Variants in DGKB observed in about 807,000 individuals in gnomAD.
DGKB encodes the protein diacylglycerol kinase beta, also known as 90 kDa diacylglycerol kinase.
In DGKB, 67 loss-of-function variants were observed where a neutral mutation model predicts 114.3. That is an observed-to-expected ratio of 0.59 (90% CI 0.48 to 0.72). The LOEUF (loss-of-function observed/expected upper bound fraction) is 0.72. DGKB is among the 30% of genes least tolerant of loss of function. The probability of loss-of-function intolerance (pLI) is 0.00; values close to 1 mark genes in which losing one functional copy is unlikely to be tolerated. For missense variants in DGKB, 907 were observed against 975.2 expected (o/e 0.93, Z 0.93); for synonymous variants, 398 against 323.1 (o/e 1.23, Z -2.49).
intron 6 of DGKB, among the ~76,000 whole-genome samples, 191 bp from the exon 7 acceptor site, chr7:14,701,921 G>A (rs565773814): frequency 1.3e-5 from 2 of 152,180 alleles, no homozygotes; most frequent in African/African-American, 2.4e-5. Flanking sequence ...AGAAATACTG[G>A]ATAGCATAAA....
Position 14,478,189 on chromosome 7 carries a change from C to G in DGKB, c.1807G>C (p.Glu603Gln). ...SIAHRFHIMR[E>Q]KHPEKFNSRM... ...CTGTTGAATTTCTCTGGGTGTTTTTCTCTCATGATGTGGAATCTGTGTGCA... is the reference window on the plus strand; with the variant it reads ...CTGTTGAATTTCTCTGGGTGTTTTTGTCTCATGATGTGGAATCTGTGTGCA... The change falls in exon 21 of 26, where the codon GAA becomes CAA. Residue 603 changes from glutamate (E) to glutamine (Q), a missense_variant. By Grantham distance (29) the Glu-to-Gln change is conservative. This residue lies in a region of DGKB where 814 missense variants were observed against 856.6 expected (regional missense o/e 0.95). Coordinates refer to ENST00000402815, the MANE Select transcript of DGKB (RefSeq NM_001350709.2). 6.2e-7 allele frequency: 1 copy of G among 1,602,764 alleles called. No individual in the cohort carries two copies. Among genetic ancestry groups the G allele is most frequent in the Non-Finnish European group, 8.5e-7 (1 of 1,173,344 alleles).
At chr7:14,700,517 G>A (rs1274727249) in intron 7 of DGKB, among the ~76,000 whole-genome samples, 3 of 152,232 alleles carry the variant, frequency 2.0e-5, no homozygotes, top group African/African-American at 2.4e-5. Context: ...CACCCAGCCA[G>A]CATTTGAAAA....
rs56755783 is a variant in DGKB at position 14,666,755 on chromosome 7, A to G, written c.1134+6174T>C. ...ATGGCAGTAAATGAACTATAGCTAT[A>G]ATTGTTACCAGAACATTTTTTTTCT... is the stretch of plus-strand genomic sequence containing the variant. On this transcript the variant is annotated intron_variant, in intron 13 of 25. Coordinates refer to ENST00000402815, the MANE Select transcript of DGKB (RefSeq NM_001350709.2). Among the ~76,000 whole-genome samples the G allele has an allele frequency of 1.5e-3, 233 of 152,036 alleles. 1 individual carries two copies. The highest frequency in any genetic ancestry group is 5.3e-3 in the African/African-American group (220 of 41,522).
intron 12 of DGKB, among the ~76,000 whole-genome samples, chr7:14,673,761 G>A (rs1819393776): frequency 1.3e-5 from 2 of 151,976 alleles, no homozygotes; most frequent in African/African-American, 4.8e-5. Flanking sequence ...AACTGAGATG[G>A]TAGTTTTTTA....
chr7:14,843,527 G>T (rs1373079675), intron 1 of DGKB, among the ~76,000 whole-genome samples: 3 of 150,672 alleles, frequency 2.0e-5, no homozygotes, highest in African/African-American at 2.4e-5. Flanking sequence ...GTAGAGACGG[G>T]GTTTCACCTT....
chr7:14,261,412 A>T (rs1363428301), intron 23 of DGKB, among the ~76,000 whole-genome samples: 1 of 152,166 alleles, frequency 6.6e-6, no homozygotes, highest in Admixed American at 6.6e-5. Flanking sequence ...CATTCCAAGC[A>T]AATACAATAT....
At chr7:14,788,838 C>A (rs1052844323) in intron 2 of DGKB, among the ~76,000 whole-genome samples, 1 of 152,112 alleles carries the variant, frequency 6.6e-6, no homozygotes, top group Non-Finnish European at 1.5e-5. Context: ...CAGTCAGTTC[C>A]TAATCTGTTG....
At chr7:14,958,473 A>ACG (rs1341215476) in intron 1 of DGKB, among the ~76,000 whole-genome samples, 1 of 147,404 alleles carries the variant, frequency 6.8e-6, no homozygotes, top group Non-Finnish European at 1.5e-5. Context: ...ACACACACAC[A>ACG]CACCCCGTCC....
chr7:14,204,518 A>G (rs1192164687), intron 23 of DGKB, among the ~76,000 whole-genome samples: 1 of 152,030 alleles, frequency 6.6e-6, no homozygotes. Context: ...CTCTACTTAC[A>G]TTTTAAATTG....
Position 14,320,982 on chromosome 7 carries a change from G to A in DGKB, c.2122+17533C>T, listed in dbSNP as rs191608013. On this transcript the variant is annotated intron_variant, in intron 23 of 25. Coordinates refer to ENST00000402815, the MANE Select transcript of DGKB (RefSeq NM_001350709.2). Reference sequence around the variant, plus strand: ...AGTTAGATTTATTTAAGGAATACACGGTTGCTTTAAAATTTAAAAATTCAG... The same window carrying A: ...AGTTAGATTTATTTAAGGAATACACAGTTGCTTTAAAATTTAAAAATTCAG... Among the ~76,000 whole-genome samples the A allele has an allele frequency of 1.8e-3, 267 of 152,176 alleles. 1 individual carries two copies. The highest frequency in any genetic ancestry group is 6.1e-3 in the African/African-American group (252 of 41,522).
intron 23 of DGKB, among the ~76,000 whole-genome samples, chr7:14,283,532 C>A (rs1031035887): frequency 1.3e-5 from 2 of 149,322 alleles, no homozygotes; most frequent in African/African-American, 5.1e-5. Context: ...TCATATGGAA[C>A]CAAAAAAGAG....
intron 21 of DGKB, among the ~76,000 whole-genome samples, chr7:14,385,840 A>G (rs911480229): frequency 6.6e-6 from 1 of 152,248 alleles, no homozygotes; most frequent in Non-Finnish European, 1.5e-5. Context: ...AGTGAGTACA[A>G]ATAATATTTC....
intron 1 of DGKB, among the ~76,000 whole-genome samples, chr7:14,969,589 G>A (rs1328225754): frequency 6.6e-6 from 1 of 152,112 alleles, no homozygotes; most frequent in Non-Finnish European, 1.5e-5. Flanking sequence ...ATTCTCACAG[G>A]AGCATGAATC....
intron 25 of DGKB, among the ~76,000 whole-genome samples, chr7:14,169,525 G>C (rs1780527970): frequency 6.6e-6 from 1 of 152,124 alleles, no homozygotes; most frequent in African/African-American, 2.4e-5. Flanking sequence ...GAAGTACTAT[G>C]CATGGTAATC....
At chr7:14,356,580 T>A (rs1457444115) in intron 21 of DGKB, among the ~76,000 whole-genome samples, 2 of 151,974 alleles carry the variant, frequency 1.3e-5, no homozygotes, top group East Asian at 3.9e-4. Flanking sequence ...CAGGATGGTC[T>A]CAATCTCCTG....
At chr7:14,541,360 G>C (rs928197783) in intron 20 of DGKB, among the ~76,000 whole-genome samples, 2 of 152,072 alleles carry the variant, frequency 1.3e-5, no homozygotes, top group Non-Finnish European at 2.9e-5. Flanking sequence ...TTGGCAATGC[G>C]AAAGAACCAA....
intron 4 of DGKB, among the ~76,000 whole-genome samples, chr7:14,748,889 C>T (rs1314317231): frequency 6.6e-6 from 1 of 152,128 alleles, no homozygotes; most frequent in Non-Finnish European, 1.5e-5. Flanking sequence ...TTTGAAACCA[C>T]AAAGAAATCA....
intron 23 of DGKB, among the ~76,000 whole-genome samples, chr7:14,205,885 T>C (rs10231686): frequency 0.46 from 70,176 of 151,810 alleles, 19,116 homozygotes; most frequent in African/African-American, 0.76. Context: ...TACAGGCAGA[T>C]AGGCCAAATA....
At chr7:14,882,447 CTTATT>C (rs550281037) in intron 1 of DGKB, among the ~76,000 whole-genome samples, 18 of 151,880 alleles carry the variant, frequency 1.2e-4, no homozygotes, top group Admixed American at 3.9e-4. Context: ...CTTTCTTTTT[CTTATT>C]TAAGTAAATT....
Sources: gnomAD v4.1 joint callset for allele counts (sites outside exome capture counted in the v4.1 genomes callset) on GRCh38, gnomAD v4.1.1 for gene constraint, gnomAD v4.1.1 regional missense constraint, MANE v1.5 for transcripts, NCBI Gene and HGNC (gene_info 2026-07-23, HGNC 2026-07-21) for gene names.